Variants in MTUS2 observed in about 807,000 individuals in gnomAD.
The protein encoded by MTUS2 is microtubule-associated tumor suppressor candidate 2.
MTUS2 carries 40 observed loss-of-function variants against 114.1 expected under a neutral mutation model. The observed-to-expected ratio is 0.35, with a 90% CI of 0.27 to 0.46. The LOEUF (loss-of-function observed/expected upper bound fraction) is 0.46. Among genes scored for constraint, MTUS2 ranks in the 20% least tolerant of loss-of-function variants. The probability of loss-of-function intolerance (pLI) is 1.00; values close to 1 mark genes in which losing one functional copy is unlikely to be tolerated. For synonymous variants in MTUS2, 688 were observed against 672.0 expected (o/e 1.02, Z -0.37); for missense variants, 1,679 against 1,705.4 (o/e 0.98, Z 0.27).
At chr13:29,042,763 C>G (rs1887430900) in intron 4 of MTUS2, among the ~76,000 whole-genome samples, 1 of 152,074 alleles carries the variant, frequency 6.6e-6, no homozygotes, top group Non-Finnish European at 1.5e-5. Context: ...CAAAGGTGTT[C>G]ATAGTAGCCT....
At chr13:29,279,164 C>T (rs186859572) in intron 5 of MTUS2, among the ~76,000 whole-genome samples, 2 of 152,122 alleles carry the variant, frequency 1.3e-5, no homozygotes, top group East Asian at 1.9e-4. Context: ...TCACTATCCC[C>T]GCTTATGAAT....
chr13:29,169,936 C>G (rs1295464517), intron 5 of MTUS2, among the ~76,000 whole-genome samples: 1 of 152,170 alleles, frequency 6.6e-6, no homozygotes, highest in East Asian at 1.9e-4. Flanking sequence ...ACCTCTGTTT[C>G]TCTGTTGAGG....
intron 2 of MTUS2, among the ~76,000 whole-genome samples, chr13:28,962,151 C>T (rs1883358912): frequency 6.6e-6 from 1 of 151,292 alleles, no homozygotes; most frequent in Non-Finnish European, 1.5e-5. Flanking sequence ...ATATTTTTAA[C>T]AAATTGTTGT....
chr13:29,290,565 C>T (rs556786092), intron 6 of MTUS2, among the ~76,000 whole-genome samples: 5 of 152,202 alleles, frequency 3.3e-5, no homozygotes, highest in East Asian at 1.9e-4. Context: ...CTCCTGACCT[C>T]GTGATCCGCC....
At chr13:29,476,680 C>T (rs910780617) in intron 9 of MTUS2, 1 of 152,142 alleles carries the variant, frequency 6.6e-6, no homozygotes, top group Non-Finnish European at 1.5e-5. Flanking sequence ...GATTCTTTAT[C>T]TCCCACCCAT....
At chr13:28,844,454 G>A (rs1375237285) in intron 2 of MTUS2, among the ~76,000 whole-genome samples, 1 of 151,376 alleles carries the variant, frequency 6.6e-6, no homozygotes, top group Non-Finnish European at 1.5e-5. Context: ...ATGTTCAGTT[G>A]CTAATATGGG....
intron 2 of MTUS2, among the ~76,000 whole-genome samples, chr13:28,992,079 G>A (rs187267119): frequency 5.3e-5 from 8 of 152,248 alleles, no homozygotes; most frequent in Admixed American, 2.0e-4. Context: ...TACTTTGGGG[G>A]ACTCTCTCAA....
At chr13:29,168,349 C>A (rs1893405267) in intron 5 of MTUS2, among the ~76,000 whole-genome samples, 1 of 152,110 alleles carries the variant, frequency 6.6e-6, no homozygotes, top group Admixed American at 6.5e-5. Context: ...TATTAATGTT[C>A]CATCTAACAT....
rs1297396947 is a variant in MTUS2 at position 29,024,784 on chromosome 13, T to G, written c.86T>G (p.Ile29Ser). The part of the protein sequence containing the change: ...RNAARNNNES[I>S]LSLGDTNANQ... ...GCAGCAAGAAATAATAATGAAAGCATCTTAAGTCTGGGAGATACGAATGCC... is the reference window on the plus strand; with the variant it reads ...GCAGCAAGAAATAATAATGAAAGCAGCTTAAGTCTGGGAGATACGAATGCC... The change falls in exon 3 of 16, where the codon ATC (isoleucine) becomes AGC (serine). Residue 29 changes from isoleucine to serine, a missense_variant. Physicochemically the swap from Ile to Ser is moderately radical, Grantham distance 142. Transcript: ENST00000612955. 1 of 1,613,968 alleles carries G rather than the reference T, an allele frequency of 6.2e-7. No individual in the cohort carries two copies. Among genetic ancestry groups the G allele is most frequent in the Non-Finnish European group, 8.5e-7 (1 of 1,179,888 alleles).
At chr13:29,484,462 A>G (rs576305298) in intron 10 of MTUS2, among the ~76,000 whole-genome samples, 1 of 152,312 alleles carries the variant, frequency 6.6e-6, no homozygotes, top group Admixed American at 6.5e-5. Flanking sequence ...TGCAGTGGAG[A>G]TGGCGCCTCT....
intron 2 of MTUS2, among the ~76,000 whole-genome samples, chr13:28,923,827 G>A (rs1335479473): frequency 6.6e-6 from 1 of 152,192 alleles, no homozygotes; most frequent in Non-Finnish European, 1.5e-5. Context: ...TATTGTGGGA[G>A]GATCCTCTTG....
At chr13:28,951,823 C>T (rs1327319947) in intron 2 of MTUS2, among the ~76,000 whole-genome samples, 1 of 151,850 alleles carries the variant, frequency 6.6e-6, no homozygotes, top group African/African-American at 2.4e-5. Flanking sequence ...AATTTAAAGT[C>T]TTGCATTTTA....
At chr13:28,907,691 A>C (rs1423220245) in intron 2 of MTUS2, among the ~76,000 whole-genome samples, 1 of 151,670 alleles carries the variant, frequency 6.6e-6, no homozygotes, top group Non-Finnish European at 1.5e-5. Flanking sequence ...TCAATTCAAC[A>C]AAAAGAGCTA....
chr13:29,171,118 TGGTG>T (rs1330261498), intron 5 of MTUS2, among the ~76,000 whole-genome samples: 1 of 147,126 alleles, frequency 6.8e-6, no homozygotes, highest in African/African-American at 2.5e-5. Flanking sequence ...CAGGAAGGCT[TGGTG>T]AGTGAGTGAG....
chr13:29,221,047 C>A (rs1312052769), intron 5 of MTUS2, among the ~76,000 whole-genome samples: 2 of 148,908 alleles, frequency 1.3e-5, no homozygotes, highest in African/African-American at 5.0e-5. Flanking sequence ...ATCGTTCTCT[C>A]ACAGTCTTCC....
intron 7 of MTUS2, among the ~76,000 whole-genome samples, chr13:29,346,077 A>G (rs867779256): frequency 6.6e-6 from 1 of 152,016 alleles, no homozygotes; most frequent in African/African-American, 2.4e-5. Context: ...AGTGAAATGG[A>G]CTCAGAGAGG....
rs200233522 is a variant in MTUS2, at chr13:29,034,053, T to C, written c.2374T>C (p.Ser792Pro). 1,322 of 1,613,922 alleles carry C rather than the reference T, an allele frequency of 8.2e-4. No individual in the cohort carries two copies. The highest frequency in any genetic ancestry group is 9.8e-4 in the Non-Finnish European group (1,162 of 1,179,876). Residue 792 changes from serine (S) to proline (P), a missense_variant, in exon 4 of 16, where the codon TCT becomes CCT. Coordinates refer to ENST00000612955, the MANE Select transcript of MTUS2 (RefSeq NM_001033602.4). ...KSRILIASQR[S>P]SASAIHPPGP... is the part of the protein sequence containing the mutation. ...CAGGATTCTGATTGCAAGTCAGAGG[T>C]CTTCAGCGAGCGCCATCCACCCACC...
intron 1 of MTUS2, among the ~76,000 whole-genome samples, chr13:28,837,660 C>T (rs1209152784): frequency 6.6e-6 from 1 of 152,174 alleles, no homozygotes; most frequent in Admixed American, 6.5e-5. Context: ...AACTCCTTTC[C>T]ACAATGTGAA....
intron 8 of MTUS2, among the ~76,000 whole-genome samples, chr13:29,379,105 G>C (rs1401669246): frequency 6.6e-6 from 1 of 152,172 alleles, no homozygotes; most frequent in East Asian, 1.9e-4. Flanking sequence ...AGTTTCCTGA[G>C]GCCTCCCCAG....
Sources: gnomAD v4.1 joint callset for allele counts (sites outside exome capture counted in the v4.1 genomes callset) on GRCh38, gnomAD v4.1.1 for gene constraint, MANE v1.5 for transcripts, NCBI Gene and HGNC (gene_info 2026-07-23, HGNC 2026-07-21) for gene names.